EFHC2: variants seen among roughly 807,000 people sequenced by gnomAD.
EFHC2 encodes the protein EF-hand domain containing 2.
A neutral mutation model predicts 52.7 loss-of-function variants in EFHC2; 18 were observed. The ratio of observed to expected loss-of-function variants is 0.34; its 90% CI spans 0.24 to 0.51. EFHC2 has a LOEUF of 0.51. EFHC2 is among the 20% of genes least tolerant of loss of function. EFHC2 has a pLI of 0.97. For missense variants in EFHC2, 513 were observed against 562.5 expected, an observed-to-expected ratio of 0.91 and a Z score of 0.89; for synonymous variants, 203 against 204.1, an observed-to-expected ratio of 0.99 and a Z score of 0.04.
At chrX:44,298,314 C>A (rs1005925516) in intron 2 of EFHC2, among the ~76,000 whole-genome samples, 1 of 111,797 alleles carries the variant, frequency 8.9e-6, no homozygotes, top group African/African-American at 3.2e-5. Context: ...GTCAAAGCTG[C>A]GCCTCAAATC....
chrX:44,319,525 G>A (rs1424022628), intron 1 of EFHC2, among the ~76,000 whole-genome samples: 5 of 111,662 alleles, frequency 4.5e-5, no homozygotes, highest in African/African-American at 1.3e-4. Flanking sequence ...TCTTCCTTTC[G>A]ATTAAGGCAA....
intron 11 of EFHC2, among the ~76,000 whole-genome samples, chrX:44,204,411 C>T (rs913300372): frequency 9.0e-6 from 1 of 110,777 alleles, no homozygotes; most frequent in East Asian, 2.8e-4. Flanking sequence ...ATAAAGAATT[C>T]AAAATATGGA....
chrX:44,288,032 C>CA (rs2147365213), intron 2 of EFHC2, among the ~76,000 whole-genome samples: 1 of 110,691 alleles, frequency 9.0e-6, no homozygotes, highest in Admixed American at 9.6e-5. Flanking sequence ...TTGAGACAAG[C>CA]AAAAAAATAA....
chrX:44,320,811 T>C (rs2038014004), intron 1 of EFHC2, among the ~76,000 whole-genome samples: 1 of 109,948 alleles, frequency 9.1e-6, no homozygotes, highest in Non-Finnish European at 1.9e-5. Flanking sequence ...CATTCACTCC[T>C]GCACTCTGGA....
At chrX:44,177,267 C>A (rs1015836760) in intron 12 of EFHC2, among the ~76,000 whole-genome samples, 1 of 111,809 alleles carries the variant, frequency 8.9e-6, no homozygotes, top group African/African-American at 3.3e-5. Context: ...AGGAAAAATA[C>A]CATCTTTATA....
chrX:44,202,767 T>C (rs1208764307), intron 11 of EFHC2, among the ~76,000 whole-genome samples: 1 of 110,935 alleles, frequency 9.0e-6, no homozygotes, highest in Non-Finnish European at 1.9e-5. Flanking sequence ...GAACCCACTA[T>C]AATTTTGGCA....
chrX:44,261,850 G>C (rs891870881), intron 3 of EFHC2, among the ~76,000 whole-genome samples: 3 of 108,435 alleles, frequency 2.8e-5, no homozygotes, highest in Non-Finnish European at 5.7e-5. Context: ...ACTTTTGGCT[G>C]CTGTGAAGTT....
intron 2 of EFHC2, 33 bp downstream of exon 2, chrX:44,312,531 GCTAA>G: frequency 9.1e-7 from 1 of 1,093,859 alleles, no homozygotes; most frequent in South Asian, 2.3e-5. Flanking sequence ...TCTGTAAAAT[GCTAA>G]GACTGCATTC....
chrX:44,225,262 A>C (rs917969939), intron 11 of EFHC2, among the ~76,000 whole-genome samples: 7 of 110,001 alleles, frequency 6.4e-5, no homozygotes, highest in Admixed American at 1.9e-4. Flanking sequence ...AAAAAAAAAA[A>C]AACAAAAACC....
chrX:44,164,302 G>A (rs750202582), intron 13 of EFHC2, among the ~76,000 whole-genome samples: 4 of 111,967 alleles, frequency 3.6e-5, no homozygotes, highest in African/African-American at 9.7e-5. Flanking sequence ...TGCCACAGAC[G>A]CAAATTTGCT....
At chrX:44,250,121 C>T in intron 5 of EFHC2, 73 bp downstream of exon 5, 1 of 1,133,728 alleles carries the variant, frequency 8.8e-7, no homozygotes, top group Admixed American at 2.4e-5. Context: ...ATAGTCATAA[C>T]ACACAACATT....
chrX:44,330,547 G>A (rs1239674745), intron 1 of EFHC2, among the ~76,000 whole-genome samples: 1 of 111,062 alleles, frequency 9.0e-6, no homozygotes, highest in African/African-American at 3.3e-5. Context: ...GCTCATGCCT[G>A]TAATCCCAAC....
intron 11 of EFHC2, among the ~76,000 whole-genome samples, chrX:44,218,046 A>T (rs1464145959): frequency 2.7e-5 from 3 of 111,675 alleles, no homozygotes; most frequent in Non-Finnish European, 3.8e-5. Flanking sequence ...ATCCCTCAGA[A>T]GAAGAAGGGT....
intron 11 of EFHC2, among the ~76,000 whole-genome samples, chrX:44,209,673 C>T (rs2037079858): frequency 9.2e-6 from 1 of 108,641 alleles, no homozygotes; most frequent in South Asian, 4.1e-4. Context: ...CCCCAGGCCA[C>T]GGGCTGGTAC....
intron 4 of EFHC2, 22 bp downstream of exon 4, chrX:44,261,053 T>C: frequency 8.6e-7 from 1 of 1,168,719 alleles, no homozygotes; most frequent in Non-Finnish European, 1.2e-6. Flanking sequence ...AGACAAGAAC[T>C]CAACAAACGT....
intron 2 of EFHC2, among the ~76,000 whole-genome samples, chrX:44,283,177 A>T (rs2037721095): frequency 9.0e-6 from 1 of 110,988 alleles, no homozygotes; most frequent in African/African-American, 3.3e-5. Flanking sequence ...AAGAGTTTTG[A>T]TCGGAAGCAC....
At chrX:44,263,096 G>C (rs2037553326) in intron 3 of EFHC2, among the ~76,000 whole-genome samples, 1 of 112,177 alleles carries the variant, frequency 8.9e-6, no homozygotes, top group African/African-American at 3.2e-5. Context: ...TGATACCATG[G>C]AGAATTGTCT....
At chrX:44,307,352 TTA>T (rs1338291733) in intron 2 of EFHC2, among the ~76,000 whole-genome samples, 37 of 112,445 alleles carry the variant, frequency 3.3e-4, no homozygotes, top group African/African-American at 1.2e-3. Flanking sequence ...AAAACGTCTT[TTA>T]TTTTTTTTGG....
At chrX:44,287,026 T>TTA (rs2037754509) in intron 2 of EFHC2, among the ~76,000 whole-genome samples, 3 of 15,209 alleles carry the variant, frequency 2.0e-4, no homozygotes, top group African/African-American at 5.1e-4. Context: ...CTCCCATCTC[T>TTA]AAAAAAAAAA....
Sources: gnomAD v4.1 joint callset for allele counts (sites outside exome capture counted in the v4.1 genomes callset) on GRCh38, gnomAD v4.1.1 for gene constraint, MANE v1.5 for transcripts, NCBI Gene and HGNC (gene_info 2026-07-23, HGNC 2026-07-21) for gene names.